Variants in EYA2 observed in about 807,000 individuals in gnomAD.
EYA2 encodes the protein EYA transcriptional coactivator and phosphatase 2.
In EYA2, 31 loss-of-function variants were observed where a neutral mutation model predicts 69.2. The ratio of observed to expected loss-of-function variants is 0.45; its 90% CI spans 0.34 to 0.60. The LOEUF is 0.60. Among genes scored for constraint, EYA2 ranks in the 20% least tolerant of loss-of-function variants. EYA2 has a pLI of 0.02. For synonymous variants in EYA2, 257 were observed against 279.4 expected (o/e 0.92, Z 0.80); for missense variants, 622 against 701.2 (o/e 0.89, Z 1.28).
intron 2 of EYA2, among the ~76,000 whole-genome samples, chr20:46,991,620 A>G (rs886785170): frequency 6.6e-6 from 1 of 152,190 alleles, no homozygotes; most frequent in African/African-American, 2.4e-5. Context: ...GTAAAAGTGA[A>G]TTTGTAAAAA....
intron 1 of EYA2, among the ~76,000 whole-genome samples, chr20:46,911,140 C>T (rs964462967): frequency 7.2e-5 from 11 of 152,104 alleles, no homozygotes; most frequent in African/African-American, 2.7e-4. Context: ...CCAAGGTGGT[C>T]CTTGGTATTT....
intron 5 of EYA2, among the ~76,000 whole-genome samples, chr20:47,033,359 C>T (rs947275387): frequency 1.3e-5 from 2 of 152,186 alleles, no homozygotes; most frequent in Non-Finnish European, 2.9e-5. Context: ...TGCAACTGCT[C>T]AACTCTGCCA....
intron 4 of EYA2, 109 bp downstream of exon 4, chr20:47,005,193 T>G (rs1022863813): frequency 1.6e-6 from 2 of 1,287,552 alleles, no homozygotes; most frequent in African/African-American, 2.9e-5. Context: ...ACCAAGCTGA[T>G]TTTGGATTAG....
At chr20:46,912,454 A>G (rs1984688367) in intron 1 of EYA2, among the ~76,000 whole-genome samples, 1 of 152,222 alleles carries the variant, frequency 6.6e-6, no homozygotes, top group African/African-American at 2.4e-5. Flanking sequence ...CATTCAACAC[A>G]TATTTATTGA....
chr20:47,135,818 CAAAA>C (rs1201324879), intron 9 of EYA2, among the ~76,000 whole-genome samples: 4 of 33,264 alleles, frequency 1.2e-4, no homozygotes, highest in African/African-American at 2.7e-4. Flanking sequence ...CCTGTCTCTA[CAAAA>C]AAAAAAAAAA....
intron 2 of EYA2, among the ~76,000 whole-genome samples, chr20:46,993,275 T>C (rs1428359394): frequency 6.6e-6 from 1 of 152,226 alleles, no homozygotes; most frequent in Non-Finnish European, 1.5e-5. Flanking sequence ...TCTGAATTCC[T>C]TATCCTTGGC....
intron 1 of EYA2, among the ~76,000 whole-genome samples, chr20:46,929,459 G>C (rs1039179808): frequency 2.6e-5 from 4 of 151,560 alleles, no homozygotes; most frequent in Non-Finnish European, 5.9e-5. Flanking sequence ...GGATGAACTA[G>C]GGCCATATGA....
In EYA2 at chr20:47,168,175, G is replaced by A. The variant is rs143436159; in HGVS notation, c.979-964G>A. Among the ~76,000 whole-genome samples the A allele has an allele frequency of 6.0e-3, 865 of 145,262 alleles. 25 individuals carry two copies. In the East Asian group the frequency reaches 0.088, roughly 15 times the overall value. On this transcript the variant is annotated intron_variant, in intron 10 of 15. Coordinates refer to ENST00000327619, the MANE Select transcript of EYA2 (RefSeq NM_005244.5). Reference sequence around the variant, plus strand: ...GATTGGTTTTCATTGTCCCCACCCCGTAGTCTTTTGTTTTTTTGTTTTTTT... The same window carrying A: ...GATTGGTTTTCATTGTCCCCACCCCATAGTCTTTTGTTTTTTTGTTTTTTT...
intron 8 of EYA2, among the ~76,000 whole-genome samples, chr20:47,091,794 G>C (rs1434094603): frequency 1.3e-5 from 2 of 152,094 alleles, no homozygotes; most frequent in Non-Finnish European, 2.9e-5. Context: ...AATTTACTAG[G>C]AAAGGACAAT....
intron 1 of EYA2, among the ~76,000 whole-genome samples, chr20:46,962,250 C>G (rs1470878888): frequency 6.6e-6 from 1 of 152,110 alleles, no homozygotes; most frequent in Non-Finnish European, 1.5e-5. Context: ...TGGTCTTGAA[C>G]TCTTGGTCTC....
intron 10 of EYA2, among the ~76,000 whole-genome samples, chr20:47,156,405 A>G (rs1283382645): frequency 6.6e-6 from 1 of 151,464 alleles, no homozygotes; most frequent in Non-Finnish European, 1.5e-5. Context: ...GGCAAAAGGT[A>G]TCCCTAGCCT....
At position 46,962,091 on chromosome 20, in the gene EYA2, C is replaced by T. The variant is rs1190325351; in HGVS notation, c.-10-27910C>T. 3.9e-5 allele frequency among the ~76,000 whole-genome samples: 6 copies of T among 152,210 alleles called. No homozygotes were observed. The East Asian group carries it at 7.7e-4, about 20-fold the overall frequency. On this transcript the variant is annotated intron_variant, in intron 1 of 15. Coordinates refer to ENST00000327619, the MANE Select transcript of EYA2 (RefSeq NM_005244.5). ...TTGTCCAGTCTGGAGTGCAGTAGCA[C>T]GATCAAGGCTCACCACAGCCTCAAC...
intron 12 of EYA2, among the ~76,000 whole-genome samples, chr20:47,173,385 G>A (rs181024487): frequency 2.4e-4 from 36 of 151,500 alleles, no homozygotes; most frequent in Non-Finnish European, 4.3e-4. Context: ...ATTGTTGTCC[G>A]CAGACCAACC....
At chr20:47,131,618 C>T (rs900438766) in intron 9 of EYA2, among the ~76,000 whole-genome samples, 2 of 151,976 alleles carry the variant, frequency 1.3e-5, no homozygotes, top group Admixed American at 6.6e-5. Flanking sequence ...TCAAAGTGGG[C>T]GGTAGGAGAT....
At chr20:47,029,775 T>C (rs971079410) in intron 5 of EYA2, among the ~76,000 whole-genome samples, 1 of 152,236 alleles carries the variant, frequency 6.6e-6, no homozygotes, top group Non-Finnish European at 1.5e-5. Context: ...CAACACATAA[T>C]TGAACATCGT....
At chr20:46,965,056 G>T (rs1979692128) in intron 1 of EYA2, among the ~76,000 whole-genome samples, 2 of 152,184 alleles carry the variant, frequency 1.3e-5, no homozygotes, top group South Asian at 4.1e-4. Context: ...TGAACAGACG[G>T]TGGAACTGCC....
chr20:46,983,612 G>A lies in EYA2; in HGVS notation c.-10-6389G>A, dbSNP rs572858517. Among the ~76,000 whole-genome samples the A allele has an allele frequency of 1.3e-4, 20 of 152,072 alleles. No individual in the cohort carries two copies. In the East Asian group the frequency reaches 3.1e-3, roughly 23 times the overall value. ...TTGCTTGGTTTCTCTGCCTCTCACC[G>A]CACCCAGCTTGGATATCAGCAAATG... On this transcript the variant is annotated intron_variant, in intron 1 of 15. Transcript: ENST00000327619.
chr20:47,050,278 G>T (rs6066180), intron 5 of EYA2, among the ~76,000 whole-genome samples: 29,498 of 152,062 alleles, frequency 0.19, 3,118 homozygotes, highest in South Asian at 0.32. Context: ...AATGCTTTCT[G>T]TATGTAGCGA....
At chr20:46,997,434 GC>G (rs1982099684) in intron 2 of EYA2, among the ~76,000 whole-genome samples, 1 of 152,158 alleles carries the variant, frequency 6.6e-6, no homozygotes, top group African/African-American at 2.4e-5. Flanking sequence ...CCCATAGGAA[GC>G]TTGGGAAGTA....
Sources: gnomAD v4.1 joint callset for allele counts (sites outside exome capture counted in the v4.1 genomes callset) on GRCh38, gnomAD v4.1.1 for gene constraint, MANE v1.5 for transcripts, NCBI Gene and HGNC (gene_info 2026-07-23, HGNC 2026-07-21) for gene names.